Variants in VPS54 observed in about 807,000 individuals in gnomAD.
The protein encoded by VPS54 is VPS54 subunit of GARP complex.
VPS54 carries 45 observed loss-of-function variants against 121.5 expected under a neutral mutation model. That is an observed-to-expected ratio of 0.37 (90% CI 0.29 to 0.47). The LOEUF is 0.47. Ranked by LOEUF, VPS54 falls within the 20% of genes least tolerant of loss-of-function variation. The pLI is 0.99. For missense variants in VPS54, 1,090 were observed against 1,131.4 expected (o/e 0.96, Z 0.52); for synonymous variants, 371 against 385.8 (o/e 0.96, Z 0.45).
chr2:63,924,526 T>C (rs996270571), intron 12 of VPS54, among the ~76,000 whole-genome samples: 1 of 152,116 alleles, frequency 6.6e-6, no homozygotes, highest in Non-Finnish European at 1.5e-5. Context: ...GATATTAATA[T>C]GGATTAAAAA....
intron 7 of VPS54, among the ~76,000 whole-genome samples, chr2:63,951,663 T>A (rs1302690811): frequency 6.6e-6 from 1 of 152,198 alleles, no homozygotes; most frequent in African/African-American, 2.4e-5. Context: ...AATAGTGCTG[T>A]GTATATTTTA....
intron 20 of VPS54, among the ~76,000 whole-genome samples, chr2:63,904,214 C>G (rs1383532490): frequency 6.6e-6 from 1 of 151,848 alleles, no homozygotes; most frequent in South Asian, 2.1e-4. Flanking sequence ...CCGAGGTGGG[C>G]GGATCACTTG....
At chr2:63,993,065 G>A (rs1052019523) in intron 1 of VPS54, among the ~76,000 whole-genome samples, 5 of 152,120 alleles carry the variant, frequency 3.3e-5, no homozygotes, top group Non-Finnish European at 5.9e-5. Flanking sequence ...AGAATTGACT[G>A]TTATCAAATT....
At chr2:63,963,920 G>T (rs1304096090) in intron 6 of VPS54, among the ~76,000 whole-genome samples, 4 of 152,142 alleles carry the variant, frequency 2.6e-5, no homozygotes, top group African/African-American at 9.7e-5. Context: ...AATTTTGCTA[G>T]AAAGTAAATC....
chr2:64,013,476 A>C (rs913956710), intron 1 of VPS54, among the ~76,000 whole-genome samples: 8 of 151,596 alleles, frequency 5.3e-5, no homozygotes, highest in African/African-American at 1.7e-4. Flanking sequence ...AAAAGCTATA[A>C]AGATTTTTGG....
At chr2:63,915,216 G>C (rs1673328397) in intron 16 of VPS54, among the ~76,000 whole-genome samples, 1 of 143,790 alleles carries the variant, frequency 7.0e-6, no homozygotes, top group East Asian at 2.0e-4. Flanking sequence ...CTCCATAGAA[G>C]GACAAATCAC....
chr2:63,950,370 G>C (rs1392421650), intron 7 of VPS54, among the ~76,000 whole-genome samples: 2 of 152,082 alleles, frequency 1.3e-5, no homozygotes, highest in Non-Finnish European at 2.9e-5. Flanking sequence ...ATGACTCTCT[G>C]ATCTAGAAGC....
chr2:63,970,744 G>A (rs768363540), intron 4 of VPS54, among the ~76,000 whole-genome samples: 1 of 151,982 alleles, frequency 6.6e-6, no homozygotes, highest in African/African-American at 2.4e-5. Context: ...ACCACTTTTT[G>A]TCTCCTTCAC....
chr2:63,913,036 C>G (rs956689665), intron 18 of VPS54, among the ~76,000 whole-genome samples, 187 bp downstream of exon 18: 1 of 152,008 alleles, frequency 6.6e-6, no homozygotes, highest in African/African-American at 2.4e-5. Context: ...GGAAATGCAT[C>G]GTAACCTTTT....
At chr2:63,916,581 T>C (rs933592584) in intron 16 of VPS54, among the ~76,000 whole-genome samples, 5 of 152,096 alleles carry the variant, frequency 3.3e-5, no homozygotes, top group African/African-American at 7.2e-5. Context: ...GAAGAAAAGA[T>C]AGAAAGAGCC....
At chr2:63,938,466 T>TTAG (rs1278470694) in intron 11 of VPS54, among the ~76,000 whole-genome samples, 1 of 151,394 alleles carries the variant, frequency 6.6e-6, no homozygotes, top group African/African-American at 2.4e-5. Flanking sequence ...TTGGCCAGAG[T>TTAG]TATTATTATT....
At chr2:63,924,125 G>C (rs910931896) in intron 12 of VPS54, among the ~76,000 whole-genome samples, 1 of 152,198 alleles carries the variant, frequency 6.6e-6, no homozygotes. Flanking sequence ...GGAGGTAGGA[G>C]GGGAAGGATA....
intron 1 of VPS54, among the ~76,000 whole-genome samples, chr2:64,018,735 G>A (rs1576032771): frequency 7.3e-6 from 1 of 136,560 alleles, no homozygotes; most frequent in Admixed American, 7.4e-5. Flanking sequence ...ATCCCGGAGG[G>A]AGAGTGAAAA....
chr2:63,912,806 G>C (rs1673210761), intron 18 of VPS54, 145 bp from the exon 19 acceptor site: 3 of 1,003,246 alleles, frequency 3.0e-6, no homozygotes, highest in Admixed American at 7.1e-5. Flanking sequence ...ATGGCAGAAG[G>C]CAACATATTT....
intron 8 of VPS54, among the ~76,000 whole-genome samples, chr2:63,948,227 A>G (rs1299817670): frequency 6.6e-6 from 1 of 151,834 alleles, no homozygotes; most frequent in Non-Finnish European, 1.5e-5. Flanking sequence ...TTCTTTACTT[A>G]GGCAGTTATC....
chr2:64,000,538 T>C (rs904391064), intron 1 of VPS54, among the ~76,000 whole-genome samples: 3 of 152,252 alleles, frequency 2.0e-5, no homozygotes, highest in Non-Finnish European at 1.5e-5. Flanking sequence ...TGGGAAGGCT[T>C]TCCAGATACT....
chr2:63,988,801 T>C (rs1222365998), intron 1 of VPS54, among the ~76,000 whole-genome samples: 2 of 152,052 alleles, frequency 1.3e-5, no homozygotes, highest in African/African-American at 2.4e-5. Flanking sequence ...TCTGGGTACC[T>C]TGAAAAAAAG....
At chr2:63,915,803 T>C (rs1322491895) in intron 16 of VPS54, among the ~76,000 whole-genome samples, 2 of 152,172 alleles carry the variant, frequency 1.3e-5, no homozygotes. Flanking sequence ...TGAATACAGA[T>C]ACAGAAAAAG....
At position 63,985,680 on chromosome 2, in the gene VPS54, T is replaced by TACACACAC. The variant is rs3079061; in HGVS notation, c.-20-1669_-20-1662dup. ...TACACTGGGAAGAAGTGACAAATTATACACACACACACACACACACACACA... is the reference window on the plus strand; with the variant it reads ...TACACTGGGAAGAAGTGACAAATTATACACACACACACACACACACACACACACACACA... On this transcript the variant is annotated intron_variant, in intron 1 of 22. Transcript: ENST00000272322. Among the ~76,000 whole-genome samples, 488 of 145,036 alleles carry TACACACAC rather than the reference T, an allele frequency of 3.4e-3. 2 individuals carry two copies. Among genetic ancestry groups the TACACACAC allele is most frequent in the African/African-American group, 6.6e-3 (256 of 38,618 alleles).
Sources: gnomAD v4.1 joint callset for allele counts (sites outside exome capture counted in the v4.1 genomes callset) on GRCh38, gnomAD v4.1.1 for gene constraint, MANE v1.5 for transcripts, NCBI Gene and HGNC (gene_info 2026-07-23, HGNC 2026-07-21) for gene names.